Variants in GPHN observed in about 807,000 individuals in gnomAD.
GPHN encodes gephyrin.
GPHN carries 17 observed loss-of-function variants against 95.5 expected under a neutral mutation model. The ratio of observed to expected loss-of-function variants is 0.18; its 90% CI spans 0.12 to 0.27. The LOEUF is 0.27. GPHN is among the 10% of genes least tolerant of loss of function. GPHN has a pLI of 1.00. For missense variants in GPHN, 660 were observed against 978.1 expected (o/e 0.67, Z 4.34); for synonymous variants, 320 against 322.5 (o/e 0.99, Z 0.08).
intron 1 of GPHN, among the ~76,000 whole-genome samples, chr14:66,577,911 C>A (rs1941456541): frequency 1.3e-5 from 2 of 151,912 alleles, no homozygotes; most frequent in African/African-American, 4.8e-5. Flanking sequence ...GACAGGAATC[C>A]TATTTTAGAC....
the GPHN span, chr14:67,332,886 A>G: frequency 6.2e-7 from 1 of 1,614,116 alleles, no homozygotes; most frequent in South Asian, 1.1e-5. Flanking sequence ...AAAGCCTATC[A>G]GGAATTGCTT....
At chr14:66,787,014 G>T (rs2059800714) in intron 3 of GPHN, among the ~76,000 whole-genome samples, 1 of 152,056 alleles carries the variant, frequency 6.6e-6, no homozygotes, top group Non-Finnish European at 1.5e-5. Flanking sequence ...GAAATGCTAG[G>T]TAGCACAGTA....
At chr14:66,881,591 T>G (rs2063932652) in intron 5 of GPHN, among the ~76,000 whole-genome samples, 2 of 151,882 alleles carry the variant, frequency 1.3e-5, no homozygotes, top group African/African-American at 4.8e-5. Flanking sequence ...TCCTTAAGGA[T>G]CCCACAGTTT....
the GPHN span, among the ~76,000 whole-genome samples, chr14:67,621,357 G>A: frequency 6.6e-6 from 1 of 151,988 alleles, no homozygotes; most frequent in South Asian, 2.1e-4. Flanking sequence ...TTCCTCTCTA[G>A]GGTTAATATC....
chr14:67,392,305 C>G, the GPHN span: 1 of 1,452,926 alleles, frequency 6.9e-7, no homozygotes, highest in Non-Finnish European at 9.7e-7. Flanking sequence ...CATCTCTCTT[C>G]CCTGCTCATA....
At chr14:67,256,095 C>CT in the GPHN span, among the ~76,000 whole-genome samples, 23,457 of 152,074 alleles carry the variant, frequency 0.15, 3,416 homozygotes, top group East Asian at 0.42. Context: ...GCAACACATA[C>CT]TTTTTTTGTG....
chr14:67,110,282 T>C (rs1338819303), intron 14 of GPHN, 23 bp downstream of exon 14: 1 of 1,612,704 alleles, frequency 6.2e-7, no homozygotes, highest in Non-Finnish European at 8.5e-7. Context: ...CAAGTCTTAC[T>C]GTGCTGTTGT....
At chr14:66,587,074 G>T (rs2061452282) in intron 1 of GPHN, among the ~76,000 whole-genome samples, 1 of 151,986 alleles carries the variant, frequency 6.6e-6, no homozygotes, top group Non-Finnish European at 1.5e-5. Flanking sequence ...AGATACCACA[G>T]AAATACAGAT....
At chr14:66,954,977 A>G (rs965647848) in intron 8 of GPHN, among the ~76,000 whole-genome samples, 1 of 152,078 alleles carries the variant, frequency 6.6e-6, no homozygotes, top group Non-Finnish European at 1.5e-5. Flanking sequence ...TTTGGTCTTG[A>G]TGTATAATTG....
At chr14:67,714,056 C>G in the GPHN span, among the ~76,000 whole-genome samples, 1 of 152,088 alleles carries the variant, frequency 6.6e-6, no homozygotes, top group East Asian at 1.9e-4. Context: ...ATTTTGGGGG[C>G]CCAAAATGTT....
chr14:67,099,897 G>A (rs1195980566), intron 12 of GPHN, among the ~76,000 whole-genome samples: 1 of 152,010 alleles, frequency 6.6e-6, no homozygotes, highest in East Asian at 1.9e-4. Context: ...GCTGTTTGCA[G>A]ATAACATGAA....
the GPHN span, among the ~76,000 whole-genome samples, chr14:67,371,259 T>C: frequency 6.6e-6 from 1 of 151,818 alleles, no homozygotes; most frequent in Non-Finnish European, 1.5e-5. Flanking sequence ...ATAAAAATTT[T>C]AAAAAATTAG....
chr14:67,243,880 C>G, the GPHN span, among the ~76,000 whole-genome samples: 1,834 of 152,266 alleles, frequency 0.012, 19 homozygotes, highest in Non-Finnish European at 0.018. Context: ...CTAACCTCTT[C>G]ATTTTCCATG....
intron 2 of GPHN, among the ~76,000 whole-genome samples, chr14:66,683,252 G>T (rs1456811766): frequency 2.2e-5 from 3 of 139,366 alleles, no homozygotes; most frequent in African/African-American, 8.1e-5. Flanking sequence ...ATATACTATT[G>T]ATGACTTGAA....
chr14:67,679,833 ATGAT>A, the GPHN span, among the ~76,000 whole-genome samples: 884 of 152,364 alleles, frequency 5.8e-3, 4 homozygotes, highest in Non-Finnish European at 9.2e-3. Context: ...TTTAAAAAAA[ATGAT>A]TGAATGTATT....
At chr14:67,439,551 TTC>T in the GPHN span, among the ~76,000 whole-genome samples, 1 of 63,626 alleles carries the variant, frequency 1.6e-5, no homozygotes, top group Non-Finnish European at 3.1e-5. Context: ...CTTTCTTTCT[TTC>T]TTTCTTTCTT....
the GPHN span, among the ~76,000 whole-genome samples, chr14:67,666,945 G>A: frequency 6.6e-6 from 1 of 152,288 alleles, no homozygotes; most frequent in Non-Finnish European, 1.5e-5. Context: ...TCTTTTTAGG[G>A]AGTTAGAATT....
intron 5 of GPHN, among the ~76,000 whole-genome samples, chr14:66,881,504 T>A (rs1436820184): frequency 2.6e-5 from 4 of 151,878 alleles, no homozygotes; most frequent in African/African-American, 9.7e-5. Context: ...GTAAACATAA[T>A]AATATGCTTA....
chr14:67,063,276 G>A (rs963026523), intron 11 of GPHN, among the ~76,000 whole-genome samples: 3 of 152,128 alleles, frequency 2.0e-5, no homozygotes, highest in African/African-American at 4.8e-5. Flanking sequence ...CCTCTGTTCT[G>A]TTCCATTGGT....
Sources: allele counts gnomAD v4.1 joint callset (sites outside exome capture counted in the v4.1 genomes callset), GRCh38; gene constraint gnomAD v4.1.1; transcripts MANE v1.5; gene names NCBI Gene and HGNC (gene_info 2026-07-23, HGNC 2026-07-21).